Variants in RABGAP1L observed in about 807,000 individuals in gnomAD.
The protein encoded by RABGAP1L is RAB GTPase activating protein 1 like.
In RABGAP1L, 63 loss-of-function variants were observed where a neutral mutation model predicts 137.7. The observed-to-expected ratio is 0.46, with a 90% CI of 0.37 to 0.56. The LOEUF is 0.56. RABGAP1L is among the 20% of genes least tolerant of loss of function. The pLI, the probability that RABGAP1L is intolerant of heterozygous loss-of-function variation, is 0.00. For synonymous variants in RABGAP1L, 431 were observed against 433.7 expected (o/e 0.99, Z 0.08); for missense variants, 1,095 against 1,244.0 (o/e 0.88, Z 1.80).
chr1:174,634,159 A>C (rs1427785008), intron 13 of RABGAP1L, among the ~76,000 whole-genome samples: 4 of 135,380 alleles, frequency 3.0e-5, no homozygotes, highest in Non-Finnish European at 4.7e-5. Context: ...AATATCCAGA[A>C]TCTACAATGA....
chr1:174,385,816 A>G (rs1215317085), intron 12 of RABGAP1L, among the ~76,000 whole-genome samples: 1 of 152,228 alleles, frequency 6.6e-6, no homozygotes, highest in Non-Finnish European at 1.5e-5. Context: ...GGTGATCTTA[A>G]GAACAGTTTC....
At chr1:174,214,524 G>C (rs1669136517) in intron 1 of RABGAP1L, among the ~76,000 whole-genome samples, 1 of 152,152 alleles carries the variant, frequency 6.6e-6, no homozygotes, top group African/African-American at 2.4e-5. Context: ...ACCCAGAATA[G>C]CCAAAACTAT....
chr1:174,221,279 G>C, intron 3 of RABGAP1L, 115 bp downstream of exon 3: 1 of 838,116 alleles, frequency 1.2e-6, no homozygotes, highest in Non-Finnish European at 1.8e-6. Context: ...AGTTCTTGTT[G>C]AGAGTTTCCA....
chr1:174,958,604 A>C (rs1232338229), intron 20 of RABGAP1L, among the ~76,000 whole-genome samples: 1 of 152,120 alleles, frequency 6.6e-6, no homozygotes, highest in Non-Finnish European at 1.5e-5. Flanking sequence ...TTGTAACTAG[A>C]GTTATCTTTA....
intron 4 of RABGAP1L, among the ~76,000 whole-genome samples, chr1:174,234,753 C>G (rs1671004511): frequency 1.3e-5 from 2 of 149,676 alleles, no homozygotes; most frequent in African/African-American, 2.5e-5. Context: ...AATGCGGGCT[C>G]TTTTTTGGTT....
intron 13 of RABGAP1L, among the ~76,000 whole-genome samples, chr1:174,420,509 A>G (rs1651129041): frequency 6.6e-6 from 1 of 152,116 alleles, no homozygotes; most frequent in Non-Finnish European, 1.5e-5. Context: ...ATGTTAACTA[A>G]TTTAATATGT....
At chr1:174,849,839 G>A (rs1647943856) in intron 19 of RABGAP1L, 1 of 556,376 alleles carries the variant, frequency 1.8e-6, no homozygotes, top group Non-Finnish European at 3.6e-6. Context: ...TTTTGCCTTT[G>A]GGAATGATCT....
chr1:174,747,640 G>A (rs1401005256), intron 17 of RABGAP1L, among the ~76,000 whole-genome samples: 1 of 151,768 alleles, frequency 6.6e-6, no homozygotes, highest in African/African-American at 2.4e-5. Flanking sequence ...AAATTTTTCT[G>A]GTAACTGAAA....
chr1:174,744,171 A>G (rs1242529057), intron 17 of RABGAP1L, among the ~76,000 whole-genome samples: 1 of 151,392 alleles, frequency 6.6e-6, no homozygotes, highest in African/African-American at 2.4e-5. Flanking sequence ...TCAGAACAAA[A>G]CCCAAACATC....
intron 1 of RABGAP1L, among the ~76,000 whole-genome samples, chr1:174,162,686 A>G (rs1664567879): frequency 6.9e-6 from 1 of 145,686 alleles, no homozygotes; most frequent in Admixed American, 7.0e-5. Context: ...CTTGACTTAT[A>G]TAAATGGGTC....
chr1:174,461,983 T>C (rs1419410641), intron 13 of RABGAP1L, among the ~76,000 whole-genome samples: 1 of 152,198 alleles, frequency 6.6e-6, no homozygotes, highest in Non-Finnish European at 1.5e-5. Flanking sequence ...ATTGTGATTA[T>C]ATAGGAAGAA....
At chr1:174,759,781 G>C (rs962485482) in intron 18 of RABGAP1L, among the ~76,000 whole-genome samples, 1 of 152,074 alleles carries the variant, frequency 6.6e-6, no homozygotes, top group Non-Finnish European at 1.5e-5. Flanking sequence ...GGAGGTCCCA[G>C]ACTCTTTTAC....
intron 14 of RABGAP1L, among the ~76,000 whole-genome samples, chr1:174,679,231 G>C (rs116507156): frequency 0.021 from 3,220 of 152,256 alleles, 54 homozygotes; most frequent in Middle Eastern, 0.085. Flanking sequence ...GTGCGGGTGT[G>C]AGCTAAGCTG....
chr1:174,867,864 C>T (rs12066421), intron 19 of RABGAP1L, among the ~76,000 whole-genome samples: 6,042 of 152,286 alleles, frequency 0.04, 420 homozygotes, highest in African/African-American at 0.13. Flanking sequence ...AGGCTGGTCT[C>T]AAACTCCTGA....
chr1:174,849,071 T>C (rs2148977502), intron 19 of RABGAP1L, among the ~76,000 whole-genome samples: 1 of 152,304 alleles, frequency 6.6e-6, no homozygotes, highest in African/African-American at 2.4e-5. Context: ...AGGCAATGCC[T>C]CGCCCTGCTT....
chr1:174,868,032 C>G (rs916681648), intron 19 of RABGAP1L, among the ~76,000 whole-genome samples: 1 of 152,070 alleles, frequency 6.6e-6, no homozygotes, highest in African/African-American at 2.4e-5. Context: ...GTGGCACGAT[C>G]TCTGCTCACC....
At chr1:174,605,439 ACCACTT>A (rs1405113152) in intron 13 of RABGAP1L, among the ~76,000 whole-genome samples, 1 of 152,130 alleles carries the variant, frequency 6.6e-6, no homozygotes, top group Non-Finnish European at 1.5e-5. Flanking sequence ...CTTTTACTGG[ACCACTT>A]CCTCCTCCTG....
chr1:174,920,015 A>G (rs984725297), intron 19 of RABGAP1L, among the ~76,000 whole-genome samples: 5 of 152,230 alleles, frequency 3.3e-5, no homozygotes, highest in African/African-American at 1.2e-4. Context: ...ACTTTTGTGG[A>G]TTATAATGTG....
chr1:174,241,515 C>T lies in RABGAP1L; in HGVS notation c.575C>T (p.Ala192Val), dbSNP rs1671826840. ...IIDQSSNVEI[A>V]SFPIYKVLFC... ...GACCAATCCAGCAATGTGGAGATAG[C>T]ATCTTTTCCAATCTATAAGGTGTTA... The change falls in exon 5 of 26, where the codon GCA (alanine) becomes GTA (valine). Residue 192 changes from alanine (A) to valine (V), a missense_variant. Physicochemically the swap from Ala to Val is moderately conservative, Grantham distance 64. Coordinates refer to ENST00000681986, the MANE Select transcript of RABGAP1L (RefSeq NM_001366446.1). 6.2e-7 allele frequency: 1 copy of T among 1,604,596 alleles called. No individual in the cohort carries two copies. The highest frequency in any genetic ancestry group is 2.2e-5 in the East Asian group (1 of 44,606).
Sources: allele counts gnomAD v4.1 joint callset (sites outside exome capture counted in the v4.1 genomes callset), GRCh38; gene constraint gnomAD v4.1.1; transcripts MANE v1.5; gene names NCBI Gene and HGNC (gene_info 2026-07-23, HGNC 2026-07-21).